FAAH2: variants seen among roughly 807,000 people sequenced by gnomAD.
FAAH2 encodes fatty-acid amide hydrolase 2.
Under a neutral mutation model 36.9 loss-of-function variants are expected in FAAH2, and 60 were observed. The observed-to-expected ratio is 1.63, with a 90% confidence interval of 1.32 to 2.02. The LOEUF is 2.02. FAAH2 is among the 30% of genes most tolerant of loss of function. The pLI is 0.00. For missense variants in FAAH2, 689 were observed against 397.5 expected (o/e 1.73, Z -6.23); for synonymous variants, 214 against 143.8 (o/e 1.49, Z -3.49).
intron 5 of FAAH2, among the ~76,000 whole-genome samples, chrX:57,347,435 T>C (rs763681350): frequency 3.1e-4 from 34 of 110,856 alleles, no homozygotes; most frequent in Non-Finnish European, 5.5e-4. Context: ...TTTCTTTAAA[T>C]GGCTGTTTCA....
the FAAH2 span, among the ~76,000 whole-genome samples, chrX:57,217,602 G>T: frequency 1.8e-5 from 2 of 111,311 alleles, no homozygotes; most frequent in Admixed American, 1.9e-4. Context: ...AAGCATTTTG[G>T]TTTATTTCTG....
intron 8 of FAAH2, among the ~76,000 whole-genome samples, chrX:57,443,786 G>A (rs898281896): frequency 4.5e-5 from 5 of 111,739 alleles, no homozygotes; most frequent in African/African-American, 1.3e-4. Flanking sequence ...GTACAGATGG[G>A]GTTTAGGTGT....
At chrX:57,190,720 A>T in the FAAH2 span, among the ~76,000 whole-genome samples, 1 of 109,864 alleles carries the variant, frequency 9.1e-6, no homozygotes, top group Non-Finnish European at 1.9e-5. Context: ...CCTCCTTGGG[A>T]TGCATCCATT....
At chrX:57,132,308 G>A in the FAAH2 span, among the ~76,000 whole-genome samples, 2 of 111,884 alleles carry the variant, frequency 1.8e-5, no homozygotes, top group African/African-American at 3.3e-5. Context: ...TATCCAGAGC[G>A]GGGAGGCCGA....
chrX:57,177,241 A>C, the FAAH2 span, among the ~76,000 whole-genome samples: 1 of 109,652 alleles, frequency 9.1e-6, no homozygotes, highest in Non-Finnish European at 1.9e-5. Context: ...CTGCACTTAC[A>C]GGTCAATGGG....
chrX:57,391,385 T>C (rs1399388436), intron 7 of FAAH2, among the ~76,000 whole-genome samples: 1 of 111,571 alleles, frequency 9.0e-6, no homozygotes, highest in Non-Finnish European at 1.9e-5. Flanking sequence ...TCATAAATTA[T>C]TTCCCTCAAT....
the FAAH2 span, among the ~76,000 whole-genome samples, chrX:57,237,869 C>T: frequency 2.7e-5 from 3 of 111,486 alleles, no homozygotes; most frequent in South Asian, 1.1e-3. Context: ...CAAAAGAAGG[C>T]ATACCTGTGG....
In FAAH2 at chrX:57,321,703, C is replaced by T. The variant is rs1380748967; in HGVS notation, c.413-9895C>T. Among the ~76,000 whole-genome samples, 4 of 110,376 alleles carry T rather than the reference C, an allele frequency of 3.6e-5. No individual in the cohort carries two copies. In the Admixed American group the frequency reaches 3.9e-4, roughly 11 times the overall value. Reference sequence around the variant, plus strand: ...CAAGGAGTCTTGCTTCTTTATCTGGCTTGCCACTCTGTGCCTTTTAATTGG... The same window carrying T: ...CAAGGAGTCTTGCTTCTTTATCTGGTTTGCCACTCTGTGCCTTTTAATTGG... On this transcript the variant is annotated intron_variant, in intron 3 of 10. Transcript: ENST00000374900.
the FAAH2 span, among the ~76,000 whole-genome samples, chrX:57,254,999 A>T: frequency 9.0e-6 from 1 of 111,580 alleles, no homozygotes; most frequent in South Asian, 3.7e-4. Context: ...TTTTTTGAAA[A>T]GTTCAACAAA....
At chrX:57,343,408 T>A (rs2053739294) in intron 5 of FAAH2, among the ~76,000 whole-genome samples, 1 of 111,998 alleles carries the variant, frequency 8.9e-6, no homozygotes, top group African/African-American at 3.2e-5. Context: ...CTTGGCTGCT[T>A]GTACATCTTC....
At chrX:57,150,291 C>G in the FAAH2 span, among the ~76,000 whole-genome samples, 1 of 111,653 alleles carries the variant, frequency 9.0e-6, no homozygotes. Flanking sequence ...TGGTGCACAG[C>G]TGAGTTGAAT....
chrX:57,157,694 G>T, the FAAH2 span, among the ~76,000 whole-genome samples: 1 of 111,878 alleles, frequency 8.9e-6, no homozygotes, highest in South Asian at 3.8e-4. Flanking sequence ...ATCACCTGAC[G>T]TTTTGGTTCT....
At chrX:57,317,967 G>A (rs2052895073) in intron 3 of FAAH2, among the ~76,000 whole-genome samples, 2 of 111,539 alleles carry the variant, frequency 1.8e-5, no homozygotes, top group Admixed American at 1.9e-4. Flanking sequence ...AAACCAGTGA[G>A]AAAAAAGACA....
intron 10 of FAAH2, among the ~76,000 whole-genome samples, chrX:57,451,442 G>A (rs1018659128): frequency 1.8e-5 from 2 of 111,934 alleles, no homozygotes; most frequent in Admixed American, 9.5e-5. Context: ...TACATTCCAT[G>A]CTCTCAGGGA....
At chrX:57,383,533 A>G (rs1300480140) in intron 7 of FAAH2, among the ~76,000 whole-genome samples, 3 of 111,973 alleles carry the variant, frequency 2.7e-5, no homozygotes, top group African/African-American at 9.8e-5. Context: ...CACCAGTAAC[A>G]GAAACAGAGA....
chrX:57,318,300 T>A (rs1328296622), intron 3 of FAAH2, among the ~76,000 whole-genome samples: 1 of 110,174 alleles, frequency 9.1e-6, no homozygotes, highest in Non-Finnish European at 1.9e-5. Flanking sequence ...GAGAGAAGAA[T>A]CAAATAGACA....
intron 6 of FAAH2, 68 bp from the exon 7 acceptor site, chrX:57,380,844 G>C: frequency 1.5e-6 from 1 of 659,164 alleles, no homozygotes; most frequent in Non-Finnish European, 2.3e-6. Flanking sequence ...AAGCTCAGAT[G>C]TCAGGATTGA....
At chrX:57,435,583 G>C (rs1014528999) in intron 8 of FAAH2, among the ~76,000 whole-genome samples, 4 of 109,587 alleles carry the variant, frequency 3.7e-5, no homozygotes, top group Non-Finnish European at 7.6e-5. Context: ...AAATTAAAAA[G>C]TTAAAAAAGA....
the FAAH2 span, among the ~76,000 whole-genome samples, chrX:57,176,271 T>C: frequency 1.4e-5 from 1 of 72,167 alleles, no homozygotes; most frequent in African/African-American, 1.8e-4. Flanking sequence ...TTTCATGTAA[T>C]TGTTTTTTTT....
Sources: gnomAD v4.1 joint callset for allele counts (sites outside exome capture counted in the v4.1 genomes callset) on GRCh38, gnomAD v4.1.1 for gene constraint, MANE v1.5 for transcripts, NCBI Gene and HGNC (gene_info 2026-07-23, HGNC 2026-07-21) for gene names.